The following ANKRD44 variants were observed in gnomAD, a reference collection of about 807,000 sequenced individuals.
ANKRD44 encodes the protein ankyrin repeat domain 44.
A neutral mutation model predicts 116.0 loss-of-function variants in ANKRD44; 35 were observed. The ratio of observed to expected loss-of-function variants is 0.30; its 90% CI spans 0.23 to 0.40. The LOEUF (loss-of-function observed/expected upper bound fraction) is 0.40. Ranked by LOEUF, ANKRD44 falls within the 10% of genes least tolerant of loss-of-function variation. The probability of loss-of-function intolerance (pLI) is 1.00; values close to 1 mark genes in which losing one functional copy is unlikely to be tolerated. For synonymous variants in ANKRD44, 435 were observed against 461.8 expected (o/e 0.94, Z 0.74); for missense variants, 1,014 against 1,242.6 (o/e 0.82, Z 2.77).
intron 16 of ANKRD44, among the ~76,000 whole-genome samples, chr2:197,076,172 T>C (rs2077661790): frequency 6.6e-6 from 1 of 152,156 alleles, no homozygotes; most frequent in African/African-American, 2.4e-5. Flanking sequence ...AAATAACCTA[T>C]GAAGAGCTAC....
intron 9 of ANKRD44, among the ~76,000 whole-genome samples, chr2:197,104,266 G>A (rs980036996): frequency 6.6e-6 from 1 of 152,086 alleles, no homozygotes; most frequent in Non-Finnish European, 1.5e-5. Flanking sequence ...GATTACAGGT[G>A]CTTGCCACCA....
chr2:197,205,194 C>T (rs543010475), intron 1 of ANKRD44, among the ~76,000 whole-genome samples: 178 of 152,288 alleles, frequency 1.2e-3, no homozygotes, highest in African/African-American at 3.9e-3. Flanking sequence ...AAAAGCATCC[C>T]CTTTGGGTAT....
chr2:197,102,250 C>T (rs1335146468), intron 9 of ANKRD44, among the ~76,000 whole-genome samples: 1 of 152,100 alleles, frequency 6.6e-6, no homozygotes, highest in Non-Finnish European at 1.5e-5. Context: ...TAACATTTTG[C>T]TATTATCTGG....
At chr2:197,214,774 CAA>C (rs2081406535) in intron 1 of ANKRD44, among the ~76,000 whole-genome samples, 1 of 152,214 alleles carries the variant, frequency 6.6e-6, no homozygotes, top group Non-Finnish European at 1.5e-5. Flanking sequence ...ACAACAGAAG[CAA>C]AGTCTTGAAT....
intron 1 of ANKRD44, among the ~76,000 whole-genome samples, chr2:197,236,152 G>T (rs2081973195): frequency 6.6e-6 from 1 of 152,124 alleles, no homozygotes; most frequent in Admixed American, 6.5e-5. Flanking sequence ...GGGCAAACAG[G>T]CTGCAAGGGA....
intron 16 of ANKRD44, chr2:197,078,197 C>A (rs180898339): frequency 6.2e-4 from 97 of 156,056 alleles, no homozygotes; most frequent in Middle Eastern, 3.4e-3. Flanking sequence ...ATAGAGAAAA[C>A]CAATTAAAGA....
At chr2:197,218,683 A>G (rs1445100551) in intron 1 of ANKRD44, among the ~76,000 whole-genome samples, 1 of 151,614 alleles carries the variant, frequency 6.6e-6, no homozygotes, top group African/African-American at 2.4e-5. Context: ...TGACTGCCCA[A>G]GGGATAGAGA....
At chr2:197,288,103 C>A (rs1320700287) in intron 1 of ANKRD44, among the ~76,000 whole-genome samples, 1 of 151,496 alleles carries the variant, frequency 6.6e-6, no homozygotes, top group African/African-American at 2.4e-5. Context: ...TAGGGTTTGC[C>A]CAAAAATCAG....
intron 17 of ANKRD44, chr2:197,015,609 C>T (rs1298284638): frequency 3.7e-6 from 2 of 538,960 alleles, no homozygotes; most frequent in Non-Finnish European, 6.8e-6. Flanking sequence ...GTGGTAGAAA[C>T]TTTGGTGGAA....
intron 1 of ANKRD44, among the ~76,000 whole-genome samples, chr2:197,217,488 C>T (rs1334765001): frequency 6.6e-6 from 1 of 152,164 alleles, no homozygotes; most frequent in Non-Finnish European, 1.5e-5. Context: ...GCAGTATTTG[C>T]TTGAATGACA....
intron 3 of ANKRD44, among the ~76,000 whole-genome samples, chr2:197,139,636 GATAT>G (rs1437304709): frequency 1.3e-5 from 2 of 151,072 alleles, no homozygotes; most frequent in Non-Finnish European, 1.5e-5. Flanking sequence ...TATAGATATA[GATAT>G]AGATATAGAT....
Position 197,147,013 on chromosome 2 carries a change from T to C in ANKRD44, c.190+14A>G, listed in dbSNP as rs151267570. The C allele has an allele frequency of 2.7e-4, 441 of 1,611,544 alleles. 1 individual carries two copies. In the African/African-American group the frequency reaches 5.1e-3, roughly 19 times the overall value. ...TTTATTTGCAATTGACTTTTGAGTA[T>C]AGCAGTTATTTACCTGACAAAATCA... On this transcript the variant is annotated intron_variant, in intron 3 of 27. Coordinates refer to ENST00000282272, the MANE Select transcript of ANKRD44 (RefSeq NM_001195144.2).
intron 17 of ANKRD44, among the ~76,000 whole-genome samples, chr2:197,014,093 G>T (rs2076345412): frequency 6.6e-6 from 1 of 152,134 alleles, no homozygotes; most frequent in African/African-American, 2.4e-5. Flanking sequence ...GGCATAATCA[G>T]AATTTTTTTC....
chr2:197,090,582 A>C (rs1408838359), intron 10 of ANKRD44, among the ~76,000 whole-genome samples: 1 of 151,432 alleles, frequency 6.6e-6, no homozygotes, highest in Non-Finnish European at 1.5e-5. Context: ...CAGGGGGCAG[A>C]GAAATTCTAG....
At chr2:197,267,044 C>A (rs2082759840) in intron 1 of ANKRD44, among the ~76,000 whole-genome samples, 1 of 151,668 alleles carries the variant, frequency 6.6e-6, no homozygotes, top group South Asian at 2.1e-4. Context: ...CACATCAAGG[C>A]ATTCATTAAA....
chr2:197,171,455 T>C (rs1281804726), intron 2 of ANKRD44, among the ~76,000 whole-genome samples: 1 of 152,250 alleles, frequency 6.6e-6, no homozygotes, highest in African/African-American at 2.4e-5. Context: ...GAACTACTTT[T>C]ACATTTCTGG....
In ANKRD44 at chr2:196,989,592, C is replaced by T; in HGVS notation, c.2981G>A (p.Ter994=). ...TPGTAVQKEE[*] Reference sequence around the variant, plus strand: ...TATGTGCATAATTTTTAAAGAGTCTCATTCTTCTTTTTGTACAGCGGTTCC... The same window carrying T: ...TATGTGCATAATTTTTAAAGAGTCTTATTCTTCTTTTTGTACAGCGGTTCC... The change falls in exon 28 of 28, where the codon TGA becomes TAA. Residue 994 remains the stop codon, a stop_retained_variant. Transcript: ENST00000282272. 1 of 1,549,970 alleles carries T rather than the reference C, an allele frequency of 6.5e-7. No homozygotes were observed. Among genetic ancestry groups the T allele is most frequent in the East Asian group, 2.4e-5 (1 of 40,894 alleles).
intron 17 of ANKRD44, chr2:197,015,256 C>T (rs1006975645): frequency 2.4e-5 from 8 of 333,872 alleles, no homozygotes; most frequent in Admixed American, 3.5e-5. Context: ...CATCTAACAG[C>T]GAAGAAAATA....
chr2:197,115,909 A>T (rs1426817558), intron 8 of ANKRD44, among the ~76,000 whole-genome samples: 1 of 152,246 alleles, frequency 6.6e-6, no homozygotes, highest in Non-Finnish European at 1.5e-5. Context: ...AGATGAAGGG[A>T]GACTGAGAAT....
Sources: gnomAD v4.1 joint callset for allele counts (sites outside exome capture counted in the v4.1 genomes callset) on GRCh38, gnomAD v4.1.1 for gene constraint, MANE v1.5 for transcripts, NCBI Gene and HGNC (gene_info 2026-07-23, HGNC 2026-07-21) for gene names.